The following ORC4 variants were observed in gnomAD, a reference collection of about 807,000 sequenced individuals.
ORC4 encodes the protein origin recognition complex, subunit 4 homolog.
A neutral mutation model predicts 63.9 loss-of-function variants in ORC4; 55 were observed. The observed-to-expected ratio is 0.86, with a 90% CI of 0.69 to 1.08. The LOEUF is 1.08. Ranked by LOEUF, ORC4 falls within the 50% of genes least tolerant of loss-of-function variation. The probability of loss-of-function intolerance (pLI) is 0.00; values close to 1 mark genes in which losing one functional copy is unlikely to be tolerated. For missense variants in ORC4, 511 were observed against 504.4 expected (o/e 1.01, Z -0.13); for synonymous variants, 150 against 168.5 (o/e 0.89, Z 0.85).
chr2:147,943,554 T>G (rs1260190812), intron 9 of ORC4, 32 bp from the exon 10 acceptor site: 2 of 1,258,896 alleles, frequency 1.6e-6, no homozygotes, highest in Non-Finnish European at 2.3e-6. Context: ...AAGCCAAAAT[T>G]GAGGAAAGAT....
At chr2:147,978,872 C>G (rs1235527684) in intron 1 of ORC4, among the ~76,000 whole-genome samples, 1 of 152,084 alleles carries the variant, frequency 6.6e-6, no homozygotes, top group African/African-American at 2.4e-5. Context: ...ATGACTGACT[C>G]AACAGATACA....
intron 3 of ORC4, 95 bp from the exon 4 acceptor site, chr2:147,972,924 A>G (rs1242037690): frequency 1.3e-6 from 1 of 795,874 alleles, no homozygotes; most frequent in East Asian, 2.7e-5. Context: ...TATGCACAGA[A>G]ATTTCCTCTC....
At chr2:147,994,092 A>C (rs1269945582) in intron 1 of ORC4, among the ~76,000 whole-genome samples, 2 of 152,202 alleles carry the variant, frequency 1.3e-5, no homozygotes, top group Non-Finnish European at 2.9e-5. Flanking sequence ...AAATTAAAAT[A>C]ATACCATATA....
intron 4 of ORC4, among the ~76,000 whole-genome samples, chr2:147,965,113 G>A (rs1385859178): frequency 6.6e-6 from 1 of 151,996 alleles, no homozygotes; most frequent in African/African-American, 2.4e-5. Context: ...TGAAAACAGG[G>A]AAAACTATAA....
At chr2:147,975,426 T>G (rs151270060) in intron 2 of ORC4, among the ~76,000 whole-genome samples, 1 of 150,570 alleles carries the variant, frequency 6.6e-6, no homozygotes, top group Admixed American at 6.6e-5. Flanking sequence ...GATGAAAACA[T>G]AGACAAGAAT....
Position 147,960,543 on chromosome 2 carries a change from A to C in ORC4, c.226-1677T>G, listed in dbSNP as rs886906171. On this transcript the variant is annotated intron_variant, in intron 4 of 13. Transcript: ENST00000392857. Reference sequence around the variant, plus strand: ...CTCCTTTCCACATTCTTTGTGCCTAAAATTTAATTTTACAAACATACTAAG... The same window carrying C: ...CTCCTTTCCACATTCTTTGTGCCTACAATTTAATTTTACAAACATACTAAG... 5.9e-5 allele frequency among the ~76,000 whole-genome samples: 9 copies of C among 152,214 alleles called. No individual in the cohort carries two copies. In the South Asian group the frequency reaches 6.2e-4, roughly 10 times the overall value.
chr2:147,974,183 T>C (rs1404002988), intron 2 of ORC4, among the ~76,000 whole-genome samples: 1 of 152,140 alleles, frequency 6.6e-6, no homozygotes, highest in Non-Finnish European at 1.5e-5. Context: ...GACAAAACAA[T>C]ACATACTTGT....
Position 147,938,400 on chromosome 2 carries a change from TAAAAGGGAA to T in ORC4, c.959-16_959-8del. On this transcript the variant is annotated splice_polypyrimidine_tract_variant and splice_region_variant and intron_variant, in intron 11 of 13. Coordinates refer to ENST00000392857, the MANE Select transcript of ORC4 (RefSeq NM_181741.4). The stretch of plus-strand genomic sequence containing the variant: ...ATTTCCAAGACTGATAGACCTACAG[TAAAAGGGAA>T]AAAAAACTATCAGTTTAATGACATA... 6.6e-7 allele frequency: 1 copy of T among 1,505,676 alleles called. No homozygotes were observed. Among genetic ancestry groups the T allele is most frequent in the Non-Finnish European group, 9.2e-7 (1 of 1,083,288 alleles). The allele number at this position is 1,505,676 out of a possible 1,614,324, so 93.3% of individuals were successfully genotyped here. A position where few individuals can be genotyped will look rare whatever the true frequency, so the allele number is the denominator to read the frequency against.
At chr2:147,969,021 T>C (rs79769212) in intron 4 of ORC4, among the ~76,000 whole-genome samples, 1,854 of 151,846 alleles carry the variant, frequency 0.012, 46 homozygotes, top group African/African-American at 0.042. Context: ...TTAAATGAAA[T>C]AAGCCAGGAA....
At chr2:147,965,849 A>C (rs1689863251) in intron 4 of ORC4, among the ~76,000 whole-genome samples, 1 of 152,154 alleles carries the variant, frequency 6.6e-6, no homozygotes, top group Non-Finnish European at 1.5e-5. Context: ...CATTTTTTTA[A>C]AAAAAGCAAA....
chr2:147,960,491 C>T (rs1010854637), intron 4 of ORC4: 2 of 389,976 alleles, frequency 5.1e-6, no homozygotes, highest in Non-Finnish European at 3.5e-6. Context: ...TAATATCACA[C>T]TGACCAACAT....
At chr2:147,990,383 A>C (rs1691507873) in intron 1 of ORC4, among the ~76,000 whole-genome samples, 2 of 152,228 alleles carry the variant, frequency 1.3e-5, no homozygotes, top group African/African-American at 4.8e-5. Flanking sequence ...ATTAGTTTTC[A>C]TTCTTTTTTC....
In ORC4 at chr2:147,933,828, T is replaced by C. The variant is rs1687905377; in HGVS notation, c.*1682A>G. 1 of 152,096 alleles carries C rather than the reference T, an allele frequency of 6.6e-6. No homozygotes were observed. Among genetic ancestry groups the C allele is most frequent in the Admixed American group, 6.6e-5 (1 of 15,238 alleles). 9.4% of individuals were successfully genotyped at this position (152,096 alleles called of 1,614,324 possible). On this transcript the variant is annotated 3_prime_UTR_variant, in exon 14 of 14. Coordinates refer to ENST00000392857, the MANE Select transcript of ORC4 (RefSeq NM_181741.4). ...TGTGTAGACTACGGCACAGATTGAG[T>C]ATGCAAGCCTTAGCTTGAATGAGAC... is the stretch of plus-strand genomic sequence containing the variant.
At chr2:147,995,056 T>C (rs1011412647) in intron 1 of ORC4, among the ~76,000 whole-genome samples, 4 of 146,898 alleles carry the variant, frequency 2.7e-5, no homozygotes, top group Admixed American at 6.7e-5. Flanking sequence ...GATTAAAGGA[T>C]TGTAAATGCA....
chr2:147,997,189 G>A (rs1367079326), intron 1 of ORC4, among the ~76,000 whole-genome samples: 1 of 152,078 alleles, frequency 6.6e-6, no homozygotes, highest in Non-Finnish European at 1.5e-5. Flanking sequence ...TGATATTCTG[G>A]AATAGGCAAA....
chr2:148,001,430 C>A (rs561338740), intron 1 of ORC4, among the ~76,000 whole-genome samples: 70 of 152,184 alleles, frequency 4.6e-4, no homozygotes, highest in Non-Finnish European at 7.6e-4. Flanking sequence ...GCCCTATAAG[C>A]CAGAAGAGAG....
At chr2:147,938,462 A>T in intron 11 of ORC4, 69 bp from the exon 12 acceptor site, 2 of 894,922 alleles carry the variant, frequency 2.2e-6, no homozygotes, top group Non-Finnish European at 3.8e-6. Flanking sequence ...TTCTCCAAAG[A>T]ATACAATATA....
At chr2:147,952,269 T>C in intron 8 of ORC4, 104 bp downstream of exon 8, 1 of 859,090 alleles carries the variant, frequency 1.2e-6, no homozygotes, top group South Asian at 1.7e-5. Context: ...TGAAACAAAA[T>C]TTTTAAAATG....
rs143347756 is a variant in ORC4 at position 148,019,388 on chromosome 2, G to A, written c.-18+1245C>T. ...GAGGATCATTTGAGGTCAAGAGATC[G>A]AGACCAGCCTGACCAACATGGTGAA... On this transcript the variant is annotated intron_variant, in intron 1 of 13. Coordinates refer to ENST00000392857, the MANE Select transcript of ORC4 (RefSeq NM_181741.4). Among the ~76,000 whole-genome samples, 14 of 152,274 alleles carry A rather than the reference G, an allele frequency of 9.2e-5. No homozygotes were observed. The East Asian group carries it at 2.3e-3, about 25-fold the overall frequency.
Sources: allele counts gnomAD v4.1 joint callset (sites outside exome capture counted in the v4.1 genomes callset), GRCh38; gene constraint gnomAD v4.1.1; transcripts MANE v1.5; gene names NCBI Gene and HGNC (gene_info 2026-07-23, HGNC 2026-07-21).